TASP1: variants seen among roughly 807,000 people sequenced by gnomAD.
TASP1 encodes taspase 1.
A neutral mutation model predicts 56.6 loss-of-function variants in TASP1; 16 were observed. The observed-to-expected ratio is 0.28, with a 90% CI of 0.19 to 0.43. The LOEUF is 0.43. Ranked by LOEUF, TASP1 falls within the 20% of genes least tolerant of loss-of-function variation. The pLI, the probability that TASP1 is intolerant of heterozygous loss-of-function variation, is 1.00. For missense variants in TASP1, 393 were observed against 511.6 expected (o/e 0.77, Z 2.24); for synonymous variants, 179 against 184.2 (o/e 0.97, Z 0.23).
chr20:13,454,466 A>G (rs972436241), intron 11 of TASP1, among the ~76,000 whole-genome samples: 1 of 152,110 alleles, frequency 6.6e-6, no homozygotes, highest in African/African-American at 2.4e-5. Flanking sequence ...CACAGTACTT[A>G]GTATATGCCA....
intron 1 of TASP1, among the ~76,000 whole-genome samples, chr20:13,637,661 T>C (rs2049357921): frequency 6.6e-6 from 1 of 152,194 alleles, no homozygotes; most frequent in Admixed American, 6.5e-5. Flanking sequence ...ATTCCATTTA[T>C]ATGAAATGCC....
chr20:13,249,349 G>C, the TASP1 span, among the ~76,000 whole-genome samples: 17 of 152,170 alleles, frequency 1.1e-4, no homozygotes, highest in Non-Finnish European at 1.8e-4. Context: ...CCCACCCCTA[G>C]TTCTGCCAGC....
At chr20:13,219,093 T>G in the TASP1 span, among the ~76,000 whole-genome samples, 1 of 152,178 alleles carries the variant, frequency 6.6e-6, no homozygotes, top group Non-Finnish European at 1.5e-5. Context: ...GAGAAGCAGC[T>G]GAGGTTTACA....
At position 13,463,610 on chromosome 20, in the gene TASP1, A is replaced by C. The variant is rs533224554; in HGVS notation, c.985+19617T>G. Among the ~76,000 whole-genome samples the C allele has an allele frequency of 5.9e-5, 9 of 152,278 alleles. No individual in the cohort carries two copies. The South Asian group carries it at 1.7e-3, about 28-fold the overall frequency. On this transcript the variant is annotated intron_variant, in intron 11 of 13. Transcript: ENST00000337743. ...AAAATATCTGTAAATCACATATCTA[A>C]TAAGAGGTTAATATCCAGAATATAC...
At chr20:13,252,189 G>A in the TASP1 span, among the ~76,000 whole-genome samples, 6,171 of 152,276 alleles carry the variant, frequency 0.041, 188 homozygotes, top group African/African-American at 0.079. Flanking sequence ...CCCTGGAAGA[G>A]CAACGAGCAA....
the TASP1 span, among the ~76,000 whole-genome samples, chr20:13,222,678 A>AG: frequency 6.6e-6 from 1 of 152,204 alleles, no homozygotes; most frequent in South Asian, 2.1e-4. Flanking sequence ...CTTCAGGGCA[A>AG]GGAGAGGGCG....
chr20:13,164,552 A>T, the TASP1 span: 1 of 588,878 alleles, frequency 1.7e-6, no homozygotes, highest in Non-Finnish European at 3.1e-6. Context: ...AGACCACTAA[A>T]TAAAATTAAT....
chr20:13,218,564 C>T, the TASP1 span, among the ~76,000 whole-genome samples: 1 of 152,124 alleles, frequency 6.6e-6, no homozygotes, highest in African/African-American at 2.4e-5. Context: ...TCAGTAATAA[C>T]GATATGAATA....
the TASP1 span, among the ~76,000 whole-genome samples, chr20:13,306,858 C>T: frequency 0.37 from 55,930 of 151,874 alleles, 11,362 homozygotes; most frequent in Admixed American, 0.44. Flanking sequence ...AACGAGGTGT[C>T]CCATGCTGGT....
chr20:13,173,256 A>G, the TASP1 span, among the ~76,000 whole-genome samples: 2 of 152,164 alleles, frequency 1.3e-5, no homozygotes. Flanking sequence ...CTTAGTTCCT[A>G]GAGATGTAAC....
intron 13 of TASP1, among the ~76,000 whole-genome samples, chr20:13,394,164 A>G (rs1467729767): frequency 6.6e-6 from 1 of 151,412 alleles, no homozygotes; most frequent in Non-Finnish European, 1.5e-5. Flanking sequence ...CATGCCTGTA[A>G]TCCCAGCTAC....
the TASP1 span, among the ~76,000 whole-genome samples, chr20:13,377,818 A>G: frequency 6.6e-6 from 1 of 151,932 alleles, no homozygotes; most frequent in Non-Finnish European, 1.5e-5. Context: ...GTATATGTCC[A>G]GGAATTTATT....
At chr20:13,551,390 C>A (rs1412185347) in intron 8 of TASP1, among the ~76,000 whole-genome samples, 1 of 151,796 alleles carries the variant, frequency 6.6e-6, no homozygotes, top group Non-Finnish European at 1.5e-5. Context: ...TAATTATGTA[C>A]ATTCAACTGT....
chr20:13,293,881 G>C, the TASP1 span, among the ~76,000 whole-genome samples: 4 of 152,044 alleles, frequency 2.6e-5, no homozygotes, highest in Non-Finnish European at 5.9e-5. Context: ...GGCTGAGGCA[G>C]GAGAATCACT....
chr20:13,377,862 G>A, the TASP1 span, among the ~76,000 whole-genome samples: 1 of 152,300 alleles, frequency 6.6e-6, no homozygotes, highest in South Asian at 2.1e-4. Flanking sequence ...TATTTGCATA[G>A]AGGTGTTTAT....
intron 4 of TASP1, among the ~76,000 whole-genome samples, chr20:13,610,040 T>C (rs1215214822): frequency 2.0e-5 from 3 of 152,264 alleles, no homozygotes; most frequent in Non-Finnish European, 1.5e-5. Flanking sequence ...CATGATTCTA[T>C]CAATATAAAA....
At chr20:13,152,221 G>C in the TASP1 span, among the ~76,000 whole-genome samples, 2 of 152,146 alleles carry the variant, frequency 1.3e-5, no homozygotes, top group African/African-American at 4.8e-5. Flanking sequence ...TAGGATTACA[G>C]TTCTTACACT....
At chr20:13,202,641 A>G in the TASP1 span, among the ~76,000 whole-genome samples, 1 of 152,246 alleles carries the variant, frequency 6.6e-6, no homozygotes, top group African/African-American at 2.4e-5. Context: ...ATTCACCATT[A>G]GGGTAGCCTC....
At chr20:13,479,963 C>T (rs553286948) in intron 11 of TASP1, among the ~76,000 whole-genome samples, 2 of 152,166 alleles carry the variant, frequency 1.3e-5, no homozygotes, top group Admixed American at 6.5e-5. Flanking sequence ...CTAATTACAC[C>T]ACCAGTGTGT....
Sources: gnomAD v4.1 joint callset for allele counts (sites outside exome capture counted in the v4.1 genomes callset) on GRCh38, gnomAD v4.1.1 for gene constraint, MANE v1.5 for transcripts, NCBI Gene and HGNC (gene_info 2026-07-23, HGNC 2026-07-21) for gene names.